The following C12orf42 variants were observed in gnomAD, a reference collection of about 807,000 sequenced individuals.
C12orf42 encodes the protein uncharacterized protein C12orf42.
Under a neutral mutation model 21.6 loss-of-function variants are expected in C12orf42, and 25 were observed. That is an observed-to-expected ratio of 1.16 (90% CI 0.84 to 1.62). The LOEUF (loss-of-function observed/expected upper bound fraction) is 1.62, where lower values mean the gene tolerates loss of function less well. Among genes scored for constraint, C12orf42 ranks in the 40% most tolerant of loss-of-function variants. The pLI, the probability that C12orf42 is intolerant of heterozygous loss-of-function variation, is 0.00. For missense variants in C12orf42, 483 were observed against 459.3 expected, an observed-to-expected ratio of 1.05 and a Z score of -0.47; for synonymous variants, 174 against 175.0, an observed-to-expected ratio of 0.99 and a Z score of 0.05.
chr12:103,232,710 CAAAA>C (rs36070550), downstream of C12orf42, among the ~76,000 whole-genome samples: 2 of 115,342 alleles, frequency 1.7e-5, no homozygotes, highest in Non-Finnish European at 3.6e-5. Flanking sequence ...GACTCCGTCT[CAAAA>C]AAAAAAAAAA....
chr12:103,248,993 T>A (rs1263553831), intron 10 of C12orf42, among the ~76,000 whole-genome samples: 6 of 152,170 alleles, frequency 3.9e-5, no homozygotes, highest in African/African-American at 1.4e-4. Context: ...TCCAAAATGG[T>A]CCACAGTTTA....
chr12:103,174,954 C>CATA, the C12orf42 span, among the ~76,000 whole-genome samples: 1 of 152,152 alleles, frequency 6.6e-6, no homozygotes, highest in South Asian at 2.1e-4. Flanking sequence ...TATGATTTGC[C>CATA]ACACATATGC....
At chr12:103,383,304 A>G (rs2138254187) in intron 3 of C12orf42, among the ~76,000 whole-genome samples, 1 of 152,150 alleles carries the variant, frequency 6.6e-6, no homozygotes, top group South Asian at 2.1e-4. Flanking sequence ...GGGTTTCACC[A>G]TGTTAGTCAG....
chr12:103,180,413 G>T, the C12orf42 span, among the ~76,000 whole-genome samples: 1 of 152,048 alleles, frequency 6.6e-6, no homozygotes, highest in South Asian at 2.1e-4. Context: ...AACTCAAAGA[G>T]AGTTGACTTC....
intron 2 of C12orf42, among the ~76,000 whole-genome samples, chr12:103,446,468 A>G (rs1314210755): frequency 6.6e-6 from 1 of 152,206 alleles, no homozygotes; most frequent in East Asian, 1.9e-4. Context: ...AAAGGTATTC[A>G]GGCAACAAAT....
intron 4 of C12orf42, among the ~76,000 whole-genome samples, chr12:103,281,326 T>C (rs1043901985): frequency 2.6e-5 from 4 of 152,216 alleles, no homozygotes; most frequent in African/African-American, 7.2e-5. Flanking sequence ...ATGGGAATTA[T>C]AATTTTTCTT....
At chr12:103,527,599 C>T in the C12orf42 span, among the ~76,000 whole-genome samples, 1 of 152,264 alleles carries the variant, frequency 6.6e-6, no homozygotes, top group South Asian at 2.1e-4. Flanking sequence ...ACTTCCTGTT[C>T]CTTCCTTCCT....
the C12orf42 span, among the ~76,000 whole-genome samples, chr12:103,054,284 A>G: frequency 2.6e-5 from 4 of 152,022 alleles, no homozygotes; most frequent in East Asian, 7.7e-4. Context: ...TTTTCAGCAT[A>G]TAAGTACTAT....
intron 2 of C12orf42, among the ~76,000 whole-genome samples, chr12:103,402,496 A>G (rs969794672): frequency 1.3e-5 from 2 of 152,164 alleles, no homozygotes; most frequent in African/African-American, 4.8e-5. Context: ...GTCTGCTAAG[A>G]TTGGTGTCAT....
the C12orf42 span, among the ~76,000 whole-genome samples, chr12:103,171,445 TATAA>T: frequency 2.0e-5 from 3 of 152,074 alleles, no homozygotes; most frequent in African/African-American, 7.2e-5. Context: ...CTCTTAAAAG[TATAA>T]ATAAAGGATG....
the C12orf42 span, among the ~76,000 whole-genome samples, chr12:103,551,352 TTAAAA>T: frequency 4.2e-4 from 64 of 152,268 alleles, no homozygotes; most frequent in African/African-American, 1.5e-3. Flanking sequence ...TCAGACATAG[TTAAAA>T]TAATAATAAT....
chr12:103,481,570 A>AT, intron 1 of C12orf42, among the ~76,000 whole-genome samples: 1 of 151,678 alleles, frequency 6.6e-6, no homozygotes, highest in Non-Finnish European at 1.5e-5. Context: ...TTTACTACAT[A>AT]TTTTTTTCCA....
At chr12:103,312,022 C>T (rs780622108) in intron 4 of C12orf42, among the ~76,000 whole-genome samples, 2 of 152,222 alleles carry the variant, frequency 1.3e-5, no homozygotes, top group African/African-American at 2.4e-5. Context: ...CGATGGTCCT[C>T]ATTTCAGAAA....
At chr12:103,555,549 C>A in the C12orf42 span, among the ~76,000 whole-genome samples, 1 of 152,164 alleles carries the variant, frequency 6.6e-6, no homozygotes. Context: ...GCCCCCAGGG[C>A]CTGCCAATGC....
the C12orf42 span, among the ~76,000 whole-genome samples, chr12:103,203,806 G>A: frequency 3.3e-5 from 5 of 152,162 alleles, no homozygotes; most frequent in East Asian, 9.6e-4. Flanking sequence ...GCACAGATAT[G>A]TGTAACCAAA....
intron 2 of C12orf42, among the ~76,000 whole-genome samples, chr12:103,434,789 G>A (rs1343817904): frequency 6.6e-6 from 1 of 152,208 alleles, no homozygotes; most frequent in Non-Finnish European, 1.5e-5. Flanking sequence ...ACAGCAGTCT[G>A]AGATCAAACT....
chr12:103,118,910 AGATTTAGCCCTT>A, the C12orf42 span, among the ~76,000 whole-genome samples: 1 of 152,066 alleles, frequency 6.6e-6, no homozygotes, highest in African/African-American at 2.4e-5. Flanking sequence ...ACATTCTTAA[AGATTTAGCCCTT>A]GATTTAGCCT....
At chr12:103,114,775 T>A in the C12orf42 span, among the ~76,000 whole-genome samples, 1 of 152,244 alleles carries the variant, frequency 6.6e-6, no homozygotes, top group Non-Finnish European at 1.5e-5. Flanking sequence ...GACCTCATTT[T>A]CAAATGTGTC....
At chr12:103,463,648 T>A (rs1033699613) in intron 2 of C12orf42, among the ~76,000 whole-genome samples, 6 of 152,180 alleles carry the variant, frequency 3.9e-5, no homozygotes, top group Admixed American at 3.3e-4. Flanking sequence ...GTTTGTTACA[T>A]AGGTAAACAT....
Sources: gnomAD v4.1 joint callset for allele counts (sites outside exome capture counted in the v4.1 genomes callset) on GRCh38, gnomAD v4.1.1 for gene constraint, MANE v1.5 for transcripts, NCBI Gene and HGNC (gene_info 2026-07-23, HGNC 2026-07-21) for gene names.